ELOVL4: variants seen among roughly 807,000 people sequenced by gnomAD.
ELOVL4 encodes ELOVL fatty acid elongase 4.
A neutral mutation model predicts 42.1 loss-of-function variants in ELOVL4; 18 were observed. That is an observed-to-expected ratio of 0.43 (90% confidence interval 0.30 to 0.63). ELOVL4 has a LOEUF of 0.63. ELOVL4 is among the 30% of genes least tolerant of loss of function. The probability of loss-of-function intolerance (pLI) is 0.15; values close to 1 mark genes in which losing one functional copy is unlikely to be tolerated. For missense variants in ELOVL4, 299 were observed against 376.2 expected, an observed-to-expected ratio of 0.79 and a Z score of 1.70; for synonymous variants, 117 against 127.0, an observed-to-expected ratio of 0.92 and a Z score of 0.53.
chr6:79,920,963 T>C (rs1774242287), intron 4 of ELOVL4, among the ~76,000 whole-genome samples: 1 of 151,992 alleles, frequency 6.6e-6, no homozygotes, highest in African/African-American at 2.4e-5. Context: ...AGGGCAGGAG[T>C]GAGCTATGGG....
chr6:79,923,696 T>A (rs1007158272), intron 3 of ELOVL4, among the ~76,000 whole-genome samples: 2 of 152,146 alleles, frequency 1.3e-5, no homozygotes, highest in African/African-American at 4.8e-5. Flanking sequence ...CTCACTAAAA[T>A]GCCAGCCCCA....
rs1561993070 is a variant in ELOVL4 at position 79,947,323 on chromosome 6, C to T, written c.-44G>A. 4.0e-6 allele frequency: 6 copies of T among 1,497,448 alleles called. No homozygotes were observed. The highest frequency in any genetic ancestry group is 4.6e-6 in the Non-Finnish European group (5 of 1,085,078). 92.8% of individuals were successfully genotyped at this position (1,497,448 alleles called of 1,614,324 possible). ...CTGGCGGCAGGAGAAAGCGGAGACC[C>T]AGAGAGAGGGCTGACCCCGGAGGCG... On this transcript the variant is annotated 5_prime_UTR_variant, in exon 1 of 6. Transcript: ENST00000369816.
chr6:79,917,084 C>T (rs1000279127), intron 5 of ELOVL4, among the ~76,000 whole-genome samples: 3 of 152,070 alleles, frequency 2.0e-5, no homozygotes, highest in Non-Finnish European at 2.9e-5. Flanking sequence ...GACAAGACTT[C>T]AATTTCAATT....
chr6:79,945,898 G>T (rs1272632208), intron 1 of ELOVL4, among the ~76,000 whole-genome samples: 1 of 152,048 alleles, frequency 6.6e-6, no homozygotes, highest in Non-Finnish European at 1.5e-5. Flanking sequence ...TCAAAGTTGA[G>T]ATCTTCTGAA....
intron 1 of ELOVL4, among the ~76,000 whole-genome samples, chr6:79,931,951 T>C (rs772423229): frequency 1.3e-5 from 2 of 152,196 alleles, no homozygotes; most frequent in Non-Finnish European, 1.5e-5. Flanking sequence ...CCAAATATCA[T>C]AGCAAATTGA....
At chr6:79,928,428 GA>G (rs570524106) in intron 1 of ELOVL4, among the ~76,000 whole-genome samples, 6 of 149,322 alleles carry the variant, frequency 4.0e-5, no homozygotes, top group Admixed American at 1.3e-4. Flanking sequence ...GTAGCGGGTA[GA>G]AAAAAAAAAT....
intron 2 of ELOVL4, 77 bp downstream of exon 2, chr6:79,926,117 A>C: frequency 1.5e-6 from 2 of 1,290,828 alleles, no homozygotes; most frequent in Admixed American, 3.7e-5. Flanking sequence ...AAAATATTAC[A>C]ATGATGGTTT....
intron 1 of ELOVL4, among the ~76,000 whole-genome samples, chr6:79,928,850 C>G (rs968154242): frequency 2.0e-5 from 3 of 150,800 alleles, no homozygotes; most frequent in African/African-American, 7.4e-5. Context: ...AGTGATCCAC[C>G]TGCCTCAGCC....
chr6:79,925,178 T>C (rs1756899152), intron 2 of ELOVL4, 146 bp from the exon 3 acceptor site: 1 of 618,764 alleles, frequency 1.6e-6, no homozygotes, highest in African/African-American at 1.8e-5. Flanking sequence ...TTTCATGCAT[T>C]CCGATTGCTA....
At chr6:79,941,580 G>A (rs556672887) in intron 1 of ELOVL4, among the ~76,000 whole-genome samples, 13 of 152,208 alleles carry the variant, frequency 8.5e-5, no homozygotes, top group African/African-American at 2.9e-4. Context: ...AGAACTCTCT[G>A]GCCGGGCACA....
chr6:79,940,195 T>C (rs1441734658), intron 1 of ELOVL4, among the ~76,000 whole-genome samples: 1 of 152,202 alleles, frequency 6.6e-6, no homozygotes, highest in Non-Finnish European at 1.5e-5. Flanking sequence ...AATGCTTTTA[T>C]GTGATTATAC....
chr6:79,939,850 C>G (rs1355424892), intron 1 of ELOVL4, among the ~76,000 whole-genome samples: 2 of 152,066 alleles, frequency 1.3e-5, no homozygotes, highest in Non-Finnish European at 2.9e-5. Flanking sequence ...AACCATAATG[C>G]CACATACATA....
Position 79,926,213 on chromosome 6 carries a change from T to C in ELOVL4, c.269A>G (p.Asn90Ser). The C allele has an allele frequency of 1.2e-6, 2 of 1,613,668 alleles. No individual in the cohort carries two copies. The highest frequency in any genetic ancestry group is 1.7e-6 in the Non-Finnish European group (2 of 1,179,836). The change falls in exon 2 of 6, where the codon AAC becomes AGC. Residue 90 changes from asparagine (N) to serine (S), a missense_variant. Asn to Ser is a conservative substitution (Grantham distance 46). Coordinates refer to ENST00000369816, the MANE Select transcript of ELOVL4 (RefSeq NM_022726.4). ...IIYNFGMVLL[N>S]LFIFRELFMG... ...ACATACCTCTCTGAAGATAAAGAGG[T>C]TAAGCAAAACCATCCCAAAATTATA...
chr6:79,940,930 G>C (rs1233298124), intron 1 of ELOVL4, among the ~76,000 whole-genome samples: 1 of 147,234 alleles, frequency 6.8e-6, no homozygotes, highest in Non-Finnish European at 1.5e-5. Flanking sequence ...TTTCAAAACA[G>C]ACGCTTAAAT....
chr6:79,933,557 A>G (rs1367745764), intron 1 of ELOVL4, among the ~76,000 whole-genome samples: 1 of 152,124 alleles, frequency 6.6e-6, no homozygotes, highest in Non-Finnish European at 1.5e-5. Context: ...AGATCATGGT[A>G]GAGGCAGTGG....
At chr6:79,936,574 G>A (rs1774547422) in intron 1 of ELOVL4, among the ~76,000 whole-genome samples, 2 of 152,176 alleles carry the variant, frequency 1.3e-5, no homozygotes, top group Non-Finnish European at 2.9e-5. Flanking sequence ...GTATGTAAGA[G>A]TCTTCAAAAC....
intron 1 of ELOVL4, among the ~76,000 whole-genome samples, chr6:79,927,236 T>C (rs1479875460): frequency 6.6e-6 from 1 of 152,024 alleles, no homozygotes; most frequent in Non-Finnish European, 1.5e-5. Context: ...AAATTCATCT[T>C]TTAACACATT....
chr6:79,933,451 G>A (rs1198705131), intron 1 of ELOVL4, among the ~76,000 whole-genome samples: 3 of 152,038 alleles, frequency 2.0e-5, no homozygotes, highest in Non-Finnish European at 4.4e-5. Context: ...GGCTGGCCCT[G>A]AACCCCTGAG....
intron 1 of ELOVL4, 100 bp downstream of exon 1, chr6:79,947,080 G>C: frequency 2.0e-6 from 2 of 983,574 alleles, no homozygotes; most frequent in South Asian, 2.7e-5. Context: ...AAAGCCGCAG[G>C]GCGCGGGGGC....
Sources: gnomAD v4.1 joint callset for allele counts (sites outside exome capture counted in the v4.1 genomes callset) on GRCh38, gnomAD v4.1.1 for gene constraint, MANE v1.5 for transcripts, NCBI Gene and HGNC (gene_info 2026-07-23, HGNC 2026-07-21) for gene names.